The following MOK variants were observed in gnomAD, a reference collection of about 807,000 sequenced individuals.
MOK encodes MAPK/MAK/MRK overlapping kinase.
MOK carries 59 observed loss-of-function variants against 54.2 expected under a neutral mutation model. The observed-to-expected ratio is 1.09, with a 90% confidence interval of 0.88 to 1.35. MOK has a LOEUF of 1.35. Ranked by LOEUF, MOK falls within the 40% of genes most tolerant of loss-of-function variation. The probability of loss-of-function intolerance (pLI) is 0.00; values close to 1 mark genes in which losing one functional copy is unlikely to be tolerated. For synonymous variants in MOK, 210 were observed against 202.7 expected, an observed-to-expected ratio of 1.04 and a Z score of -0.31; for missense variants, 517 against 526.2, an observed-to-expected ratio of 0.98 and a Z score of 0.17.
At chr14:102,252,052 T>C (rs1767046055) in intron 4 of MOK, 57 bp from the exon 5 acceptor site, 3 of 985,990 alleles carry the variant, frequency 3.0e-6, no homozygotes, top group Non-Finnish European at 4.7e-6. Flanking sequence ...TCCTCTTTTT[T>C]GAAATAAAAA....
Position 102,263,613 on chromosome 14 carries a change from GTCACTGAAGAA to G in MOK, c.213-8_215del. ...TTAGTGCAAGAGAACCAGATTTTCT[GTCACTGAAGAA>G]GAAAGCAAGTTTTTAAAATAAATTT... is the stretch of plus-strand genomic sequence containing the variant. On this transcript the variant is annotated splice_acceptor_variant and splice_polypyrimidine_tract_variant and coding_sequence_variant and intron_variant, in exon 4 of 12. Coordinates refer to ENST00000361847, the MANE Select transcript of MOK (RefSeq NM_014226.3). LOFTEE classifies it high-confidence loss of function. The G allele has an allele frequency of 6.2e-7, 1 of 1,602,008 alleles. No individual in the cohort carries two copies. Among genetic ancestry groups the G allele is most frequent in the East Asian group, 2.2e-5 (1 of 44,644 alleles).
intron 1 of MOK, among the ~76,000 whole-genome samples, chr14:102,300,023 T>C (rs748853840): frequency 5.9e-5 from 9 of 151,732 alleles, no homozygotes; most frequent in Non-Finnish European, 1.2e-4. Context: ...TAGTAAACAA[T>C]TAAAAACTTA....
At chr14:102,292,358 A>C (rs10135956) in intron 1 of MOK, among the ~76,000 whole-genome samples, 5 of 152,130 alleles carry the variant, frequency 3.3e-5, no homozygotes, top group Admixed American at 2.0e-4. Context: ...CTGTAGTCCC[A>C]GCTACTCAGG....
chr14:102,258,614 G>A (rs1359549677), intron 4 of MOK, among the ~76,000 whole-genome samples: 4 of 152,012 alleles, frequency 2.6e-5, no homozygotes, highest in African/African-American at 4.8e-5. Context: ...ATCCTCTCCC[G>A]CACCTGTCCA....
chr14:102,288,752 A>T (rs1352534190), intron 1 of MOK, among the ~76,000 whole-genome samples: 1 of 152,210 alleles, frequency 6.6e-6, no homozygotes, highest in Non-Finnish European at 1.5e-5. Context: ...TGGAAATCAG[A>T]AAGTGGTTAC....
At chr14:102,270,014 A>G (rs1411855402) in intron 2 of MOK, among the ~76,000 whole-genome samples, 1 of 152,252 alleles carries the variant, frequency 6.6e-6, no homozygotes, top group Non-Finnish European at 1.5e-5. Context: ...ATCCATATAG[A>G]TAATGTGCTG....
At chr14:102,224,679 C>T (rs1424827224), downstream of MOK, 4 of 455,938 alleles carry the variant, frequency 8.8e-6, no homozygotes, top group South Asian at 4.6e-5. Context: ...GCTCAGCCCT[C>T]GGTTTAGTTT....
rs536338780 is a variant in MOK at position 102,257,592 on chromosome 14, C to G, written c.284-5597G>C. Among the ~76,000 whole-genome samples the G allele has an allele frequency of 1.5e-4, 23 of 152,302 alleles. No individual in the cohort carries two copies. In the East Asian group the frequency reaches 3.7e-3, roughly 24 times the overall value. On this transcript the variant is annotated intron_variant, in intron 4 of 11. Coordinates refer to ENST00000361847, the MANE Select transcript of MOK (RefSeq NM_014226.3). ...TTCTTTAAACAGCAACTGGAGAATT[C>G]CTTCTAAAAAGATGCTACTCAAAGC...
At chr14:102,286,575 T>C (rs1019482106) in intron 1 of MOK, among the ~76,000 whole-genome samples, 7 of 151,192 alleles carry the variant, frequency 4.6e-5, no homozygotes, top group African/African-American at 1.5e-4. Flanking sequence ...CGCACTACTA[T>C]ACGCTAGCCT....
downstream of MOK, among the ~76,000 whole-genome samples, chr14:102,228,221 G>A (rs2064329573): frequency 6.6e-6 from 1 of 152,204 alleles, no homozygotes; most frequent in East Asian, 1.9e-4. Flanking sequence ...ACTCCCCAGA[G>A]ACAGCTGAGC....
At chr14:102,215,206 CAG>C in the MOK span, among the ~76,000 whole-genome samples, 56 of 152,362 alleles carry the variant, frequency 3.7e-4, no homozygotes, top group African/African-American at 1.3e-3. Context: ...TTCTGCGTCT[CAG>C]ATACTGTTTT....
At chr14:102,250,745 G>A in intron 7 of MOK, 67 bp downstream of exon 7, 1 of 1,462,768 alleles carries the variant, frequency 6.8e-7, no homozygotes, top group East Asian at 2.3e-5. Flanking sequence ...TGTAAAGGAA[G>A]GAGCACGAGC....
chr14:102,273,361 C>T (rs934291037), intron 2 of MOK, among the ~76,000 whole-genome samples: 1 of 151,134 alleles, frequency 6.6e-6, no homozygotes, highest in African/African-American at 2.4e-5. Flanking sequence ...TTTCTACATA[C>T]TTATGGCTAA....
downstream of MOK, among the ~76,000 whole-genome samples, chr14:102,228,472 G>A (rs2153078559): frequency 1.3e-5 from 2 of 152,240 alleles, no homozygotes. Flanking sequence ...CGAGGCGGGA[G>A]GATCACCTGA....
chr14:102,289,788 T>C (rs1597582816), intron 1 of MOK, among the ~76,000 whole-genome samples: 1 of 151,772 alleles, frequency 6.6e-6, no homozygotes, highest in Admixed American at 6.6e-5. Context: ...ATTATAGGCG[T>C]GAGCCACTGC....
At chr14:102,293,701 C>CCAAAAAAAAAAAAAAA (rs1432616309) in intron 1 of MOK, among the ~76,000 whole-genome samples, 6 of 54,586 alleles carry the variant, frequency 1.1e-4, no homozygotes, top group African/African-American at 1.7e-4. Flanking sequence ...AACTCCATCA[C>CCAAAAAAAAAAAAAAA]AAAAAAAAAA....
At chr14:102,268,202 T>C (rs987646802) in intron 2 of MOK, among the ~76,000 whole-genome samples, 2 of 152,314 alleles carry the variant, frequency 1.3e-5, no homozygotes, top group Admixed American at 6.5e-5. Flanking sequence ...TTATTGTAGA[T>C]AGGATTCTTT....
At chr14:102,218,757 C>G in the MOK span, among the ~76,000 whole-genome samples, 861 of 152,314 alleles carry the variant, frequency 5.7e-3, 6 homozygotes, top group Non-Finnish European at 9.8e-3. Flanking sequence ...GTTCCTCTCA[C>G]GGTGTGGGGG....
At chr14:102,243,713 C>A (rs1008406692) in intron 7 of MOK, among the ~76,000 whole-genome samples, 1 of 152,186 alleles carries the variant, frequency 6.6e-6, no homozygotes, top group East Asian at 1.9e-4. Context: ...AGATACCACA[C>A]CTGACCCCCA....
Sources: allele counts gnomAD v4.1 joint callset (sites outside exome capture counted in the v4.1 genomes callset), GRCh38; gene constraint gnomAD v4.1.1; transcripts MANE v1.5; gene names NCBI Gene and HGNC (gene_info 2026-07-23, HGNC 2026-07-21).